The following ENPP1 variants were observed in gnomAD, a reference collection of about 807,000 sequenced individuals.
The protein encoded by ENPP1 is ectonucleotide pyrophosphatase/phosphodiesterase 1.
ENPP1 carries 73 observed loss-of-function variants against 122.8 expected under a neutral mutation model. The ratio of observed to expected loss-of-function variants is 0.59; its 90% CI spans 0.49 to 0.72. The LOEUF is 0.72. Ranked by LOEUF, ENPP1 falls within the 30% of genes least tolerant of loss-of-function variation. ENPP1 has a pLI of 0.00. For missense variants in ENPP1, 978 were observed against 1,128.1 expected, an observed-to-expected ratio of 0.87 and a Z score of 1.91; for synonymous variants, 367 against 391.6, an observed-to-expected ratio of 0.94 and a Z score of 0.74.
At position 131,808,245 on chromosome 6, in the gene ENPP1, G is replaced by A. The variant is rs901639495; in HGVS notation, c.210G>A (p.Lys70=). The part of the protein sequence containing the change: ...LEKAARARTA[K]DPNTYKVLSL... ...AGGCGGCGCGCGCCCGCACTGCCAAGGACCCCAACACCTATAAAGTACTCT... is the reference window on the plus strand; with the variant it reads ...AGGCGGCGCGCGCCCGCACTGCCAAAGACCCCAACACCTATAAAGTACTCT... Residue 70 remains lysine (K), a synonymous_variant, in exon 1 of 25, where the codon AAG becomes AAA. Transcript: ENST00000647893. 33 of 1,520,002 alleles carry A rather than the reference G, an allele frequency of 2.2e-5. No homozygotes were observed. In the Admixed American group the frequency reaches 6.7e-4, roughly 31 times the overall value. 94.2% of individuals were successfully genotyped at this position (1,520,002 alleles called of 1,614,324 possible).
Position 131,882,509 on chromosome 6 carries a change from C to T in ENPP1, c.2230+35C>T, listed in dbSNP as rs570303080. The T allele has an allele frequency of 5.1e-5, 79 of 1,546,488 alleles. 2 individuals are homozygous for T. The South Asian group carries it at 8.2e-4, about 16-fold the overall frequency. ...TTCCTCTCCTGACCTTCCCTTTTCT[C>T]CTTTTTGTTTTCTTTCTTGTTTATA... On this transcript the variant is annotated intron_variant, in intron 21 of 24. Transcript: ENST00000647893.
chr6:131,858,646 T>A, intron 6 of ENPP1, 22 bp from the exon 7 acceptor site: 1 of 1,460,390 alleles, frequency 6.8e-7, no homozygotes, highest in Non-Finnish European at 9.6e-7. Context: ...TTAATAACAA[T>A]GTTTATTTTT....
chr6:131,817,578 T>A (rs6918013), intron 1 of ENPP1, among the ~76,000 whole-genome samples: 4,441 of 151,976 alleles, frequency 0.029, 208 homozygotes, highest in East Asian at 0.25. Flanking sequence ...AAATAGAGAG[T>A]TTTGATAGAA....
In ENPP1 at chr6:131,811,241, C is replaced by T. The variant is rs146575114; in HGVS notation, c.240+2966C>T. Among the ~76,000 whole-genome samples, 188 of 152,062 alleles carry T rather than the reference C, an allele frequency of 1.2e-3. 1 individual carries two copies. Among genetic ancestry groups the T allele is most frequent in the African/African-American group, 4.3e-3 (180 of 41,476 alleles). On this transcript the variant is annotated intron_variant, in intron 1 of 24. Transcript: ENST00000647893. Reference sequence around the variant, plus strand: ...TTTTTGTGTTGTTTGTGACCTTCTGCTATACTTATGAATACATATATCTGT... The same window carrying T: ...TTTTTGTGTTGTTTGTGACCTTCTGTTATACTTATGAATACATATATCTGT...
intron 1 of ENPP1, chr6:131,820,287 T>C (rs539464832): frequency 6.4e-4 from 109 of 169,360 alleles, no homozygotes; most frequent in Middle Eastern, 3.9e-3. Flanking sequence ...ATTTAGGAAA[T>C]AGGTGTACAT....
chr6:131,837,172 TTGTGTG>T lies in ENPP1; in HGVS notation c.241-10568_241-10563del, dbSNP rs67550562. On this transcript the variant is annotated intron_variant, in intron 1 of 24. Coordinates refer to ENST00000647893, the MANE Select transcript of ENPP1 (RefSeq NM_006208.3). The stretch of plus-strand genomic sequence containing the variant: ...AGCTTATTTGGGGTTCCTGTTGTCA[TTGTGTG>T]TGTGTGTGTGTGTGTGTGTGTGTGT... Among the ~76,000 whole-genome samples the T allele has an allele frequency of 2.6e-3, 355 of 136,048 alleles. 6 individuals are homozygous for T. In the South Asian group the frequency reaches 0.044, roughly 17 times the overall value. 89.3% of individuals were successfully genotyped at this position (136,048 alleles called of 152,430 possible).
At chr6:131,862,364 A>G (rs1284464448) in intron 9 of ENPP1, among the ~76,000 whole-genome samples, 1 of 152,154 alleles carries the variant, frequency 6.6e-6, no homozygotes, top group Admixed American at 6.5e-5. Flanking sequence ...AAAGAACTGT[A>G]ACTGCCCAAC....
intron 17 of ENPP1, among the ~76,000 whole-genome samples, chr6:131,876,288 G>A (rs942131303): frequency 4.6e-5 from 7 of 152,080 alleles, no homozygotes; most frequent in Non-Finnish European, 1.0e-4. Context: ...AAATGAAGGA[G>A]GACCCATTAG....
At chr6:131,821,211 T>A (rs940107413) in intron 1 of ENPP1, among the ~76,000 whole-genome samples, 4 of 152,212 alleles carry the variant, frequency 2.6e-5, no homozygotes, top group African/African-American at 9.7e-5. Context: ...CTCAGAGGTT[T>A]GTCTGAACAA....
chr6:131,839,055 T>C (rs1326351316), intron 1 of ENPP1, among the ~76,000 whole-genome samples: 7 of 152,180 alleles, frequency 4.6e-5, no homozygotes, highest in African/African-American at 1.7e-4. Flanking sequence ...AAACGAACTC[T>C]AATCTTACCA....
intron 1 of ENPP1, among the ~76,000 whole-genome samples, chr6:131,834,561 C>A (rs1324834153): frequency 6.8e-6 from 1 of 147,076 alleles, no homozygotes; most frequent in Non-Finnish European, 1.5e-5. Flanking sequence ...GATGGAGTCT[C>A]ACTCTGTCGC....
rs115623040 is a variant in ENPP1, at chr6:131,891,735, A to G, written c.*1224A>G. On this transcript the variant is annotated 3_prime_UTR_variant, in exon 25 of 25. Transcript: ENST00000647893. ...ATTTACAACTCAAAATTATTTAATA[A>G]TTTAGGAAGTTGCTTTTTTTTTTTT... is the stretch of plus-strand genomic sequence containing the variant. 7.8e-3 allele frequency: 1,142 copies of G among 145,510 alleles called. 26 individuals carry two copies. Among genetic ancestry groups the G allele is most frequent in the African/African-American group, 0.027 (1,080 of 39,684 alleles). 9.0% of individuals were successfully genotyped at this position (145,510 alleles called of 1,614,324 possible).
In ENPP1 at chr6:131,877,038, T is replaced by C. The variant is rs770444368; in HGVS notation, c.1770T>C (p.Ser590=). 6.2e-7 allele frequency: 1 copy of C among 1,614,150 alleles called. No individual in the cohort carries two copies. The highest frequency in any genetic ancestry group is 8.5e-7 in the Non-Finnish European group (1 of 1,180,006). ...CTCCTAATAACGGAACTCATGGAAG[T>C]CTTAACCACCTTCTAAAGAATCCTG... is the stretch of plus-strand genomic sequence containing the variant. The part of the protein sequence containing the change: ...TPAPNNGTHG[S]LNHLLKNPVY... Residue 590 remains serine, a synonymous_variant, in exon 18 of 25, where the codon AGT becomes AGC. Transcript: ENST00000647893.
At chr6:131,884,518 CCCAG>C (rs1782351816) in intron 22 of ENPP1, among the ~76,000 whole-genome samples, 2 of 152,176 alleles carry the variant, frequency 1.3e-5, no homozygotes, top group African/African-American at 4.8e-5. Flanking sequence ...TGCTTGCAGT[CCCAG>C]CCCTTTGGGG....
At chr6:131,870,591 GAT>G (rs1384551562) in intron 13 of ENPP1, among the ~76,000 whole-genome samples, 1 of 152,152 alleles carries the variant, frequency 6.6e-6, no homozygotes, top group African/African-American at 2.4e-5. Context: ...TATTTGGTAA[GAT>G]ATGTTTCAAT....
At position 131,858,754 on chromosome 6, in the gene ENPP1, T is replaced by C. The variant is rs762131326; in HGVS notation, c.795+7T>C. The C allele has an allele frequency of 6.3e-7, 1 of 1,588,580 alleles. No individual in the cohort carries two copies. Among genetic ancestry groups the C allele is most frequent in the South Asian group, 1.1e-5 (1 of 90,530 alleles). ...TCACTACAGCATTGTCACCGTAAGC[T>C]CTGCATTTCAACTTCTATCTGTTTG... is the stretch of plus-strand genomic sequence containing the variant. On this transcript the variant is annotated splice_region_variant and intron_variant, in intron 7 of 24. Coordinates refer to ENST00000647893, the MANE Select transcript of ENPP1 (RefSeq NM_006208.3).
At chr6:131,816,769 A>G (rs533196412) in intron 1 of ENPP1, among the ~76,000 whole-genome samples, 21 of 152,302 alleles carry the variant, frequency 1.4e-4, no homozygotes, top group South Asian at 1.0e-3. Context: ...GATGGTTATA[A>G]TCATTTTTGT....
At chr6:131,866,545 CCT>C (rs1782094486) in intron 11 of ENPP1, among the ~76,000 whole-genome samples, 1 of 152,130 alleles carries the variant, frequency 6.6e-6, no homozygotes, top group Non-Finnish European at 1.5e-5. Flanking sequence ...TAGATTTGCC[CCT>C]CTTAAAAAGT....
chr6:131,864,952 TATCAGTA>T lies in ENPP1; in HGVS notation c.1164+17_1164+23del. On this transcript the variant is annotated intron_variant, in intron 11 of 24. Coordinates refer to ENST00000647893, the MANE Select transcript of ENPP1 (RefSeq NM_006208.3). ...GTCAGCAGTGAAGTAAGTACATTTT[TATCAGTA>T]ATTATTTCATTAAACCCAGTCATCA... 1 of 1,487,742 alleles carries T rather than the reference TATCAGTA, an allele frequency of 6.7e-7. No individual in the cohort carries two copies. The highest frequency in any genetic ancestry group is 9.4e-7 in the Non-Finnish European group (1 of 1,064,870). The allele number at this position is 1,487,742 out of a possible 1,614,324, so 92.2% of individuals were successfully genotyped here.
Sources: gnomAD v4.1 joint callset for allele counts (sites outside exome capture counted in the v4.1 genomes callset) on GRCh38, gnomAD v4.1.1 for gene constraint, MANE v1.5 for transcripts, NCBI Gene and HGNC (gene_info 2026-07-23, HGNC 2026-07-21) for gene names.